The following DIS3L2 variants were observed in gnomAD, a reference collection of about 807,000 sequenced individuals.
The protein encoded by DIS3L2 is DIS3-like exonuclease 2.
In DIS3L2, 34 loss-of-function variants were observed where a neutral mutation model predicts 97.5. That is an observed-to-expected ratio of 0.35 (90% CI 0.27 to 0.46). DIS3L2 has a LOEUF of 0.46. Ranked by LOEUF, DIS3L2 falls within the 20% of genes least tolerant of loss-of-function variation. The probability of loss-of-function intolerance (pLI) is 1.00; values close to 1 mark genes in which losing one functional copy is unlikely to be tolerated. For missense variants in DIS3L2, 1,038 were observed against 1,146.0 expected (o/e 0.91, Z 1.36); for synonymous variants, 435 against 445.2 (o/e 0.98, Z 0.29).
chr2:232,331,855 A>G (rs1695746046), intron 16 of DIS3L2: 1 of 152,278 alleles, frequency 6.6e-6, no homozygotes, highest in Non-Finnish European at 1.5e-5. Flanking sequence ...AAAAGCCTGC[A>G]TTCTCCTGGC....
At chr2:232,338,848 C>T (rs1455313791), downstream of DIS3L2, among the ~76,000 whole-genome samples, 16 of 152,296 alleles carry the variant, frequency 1.1e-4, no homozygotes, top group Non-Finnish European at 1.8e-4. Flanking sequence ...CACCGACCCT[C>T]ATCTAAAGGA....
At chr2:232,123,951 C>T (rs1697980500) in intron 6 of DIS3L2, among the ~76,000 whole-genome samples, 1 of 152,120 alleles carries the variant, frequency 6.6e-6, no homozygotes, top group Admixed American at 6.5e-5. Context: ...AGGACTGGTG[C>T]CTCTGGATAT....
intron 5 of DIS3L2, among the ~76,000 whole-genome samples, chr2:232,054,496 T>A (rs905219013): frequency 6.6e-6 from 1 of 152,224 alleles, no homozygotes; most frequent in Non-Finnish European, 1.5e-5. Context: ...TTTTTTCTTT[T>A]AGCAGAGACC....
chr2:232,258,052 T>C (rs1051270539), intron 12 of DIS3L2, among the ~76,000 whole-genome samples: 1 of 152,150 alleles, frequency 6.6e-6, no homozygotes, highest in East Asian at 1.9e-4. Flanking sequence ...AAGTAGTAGG[T>C]TTAAGAATAC....
intron 9 of DIS3L2, among the ~76,000 whole-genome samples, chr2:232,171,020 AAG>A (rs2106171803): frequency 6.6e-6 from 1 of 152,292 alleles, no homozygotes; most frequent in South Asian, 2.1e-4. Context: ...CCTTTAGAAG[AAG>A]GTTCCCCTGG....
intron 1 of DIS3L2, among the ~76,000 whole-genome samples, chr2:231,990,522 CATG>C (rs928773149): frequency 1.3e-5 from 2 of 152,124 alleles, no homozygotes; most frequent in African/African-American, 4.8e-5. Flanking sequence ...GGGAAAGAAA[CATG>C]AGATTGAATT....
intron 5 of DIS3L2, among the ~76,000 whole-genome samples, chr2:232,038,485 A>G (rs527351698): frequency 4.6e-5 from 7 of 152,332 alleles, no homozygotes; most frequent in African/African-American, 7.2e-5. Flanking sequence ...GTGGAGCTCT[A>G]CAGAAGTGGA....
chr2:232,194,937 GAAAC>G (rs770068936), intron 9 of DIS3L2, among the ~76,000 whole-genome samples: 1 of 152,086 alleles, frequency 6.6e-6, no homozygotes, highest in Non-Finnish European at 1.5e-5. Context: ...GAAACTCTCT[GAAAC>G]AAACAGTTAT....
chr2:232,164,409 G>A (rs996884895), intron 9 of DIS3L2, among the ~76,000 whole-genome samples: 1 of 152,090 alleles, frequency 6.6e-6, no homozygotes, highest in African/African-American at 2.4e-5. Flanking sequence ...ACTCATTTTG[G>A]ATGCCACATG....
chr2:231,969,877 AT>A (rs34578666), intron 1 of DIS3L2, among the ~76,000 whole-genome samples: 52 of 140,212 alleles, frequency 3.7e-4, no homozygotes, highest in South Asian at 1.1e-3. Context: ...GTTTACTGAG[AT>A]TTTTTTTTTT....
chr2:232,191,975 C>A (rs886137593), intron 9 of DIS3L2, among the ~76,000 whole-genome samples: 2 of 152,112 alleles, frequency 1.3e-5, no homozygotes, highest in Non-Finnish European at 2.9e-5. Flanking sequence ...AGGCACTCAC[C>A]GAACATCCCT....
Position 232,336,740 on chromosome 2 carries a change from GGTTT to G in DIS3L2, c.*115_*118del. 1 of 1,490,534 alleles carries G rather than the reference GGTTT, an allele frequency of 6.7e-7. No individual in the cohort carries two copies. The highest frequency in any genetic ancestry group is 8.8e-7 in the Non-Finnish European group (1 of 1,131,158). 92.3% of individuals were successfully genotyped at this position (1,490,534 alleles called of 1,614,324 possible). A position where few individuals can be genotyped will look rare whatever the true frequency, so the allele number is the denominator to read the frequency against. On this transcript the variant is annotated 3_prime_UTR_variant, in exon 21 of 21. Transcript: ENST00000325385. ...TTAATTTGGTTTTTAACAACTCAGGGGTTTGTTTTTATTTTTATTTAATTTTTGC... is the reference window on the plus strand; with the variant it reads ...TTAATTTGGTTTTTAACAACTCAGGGGTTTTTATTTTTATTTAATTTTTGC...
chr2:232,210,419 T>A lies in DIS3L2; in HGVS notation c.1204+14T>A, dbSNP rs2106218089. On this transcript the variant is annotated intron_variant, in intron 10 of 20. Coordinates refer to ENST00000325385, the MANE Select transcript of DIS3L2 (RefSeq NM_152383.5). ...CACTCGCTGACGGTAGGATGGAAATTTCTATAGCATCTTGGGTAGCAGGCA... is the reference window on the plus strand; with the variant it reads ...CACTCGCTGACGGTAGGATGGAAATATCTATAGCATCTTGGGTAGCAGGCA... 11 of 1,610,860 alleles carry A rather than the reference T, an allele frequency of 6.8e-6. No homozygotes were observed. Among genetic ancestry groups the A allele is most frequent in the Non-Finnish European group, 8.5e-6 (10 of 1,177,356 alleles).
intron 14 of DIS3L2, among the ~76,000 whole-genome samples, chr2:232,319,798 G>A (rs760768780): frequency 4.6e-5 from 7 of 152,200 alleles, no homozygotes; most frequent in Admixed American, 1.3e-4. Flanking sequence ...TTGGCCTCCA[G>A]AGTGGTAGCT....
intron 5 of DIS3L2, among the ~76,000 whole-genome samples, chr2:232,030,727 A>G (rs1694781642): frequency 1.3e-5 from 2 of 152,322 alleles, no homozygotes; most frequent in South Asian, 4.1e-4. Flanking sequence ...TGGTGACAAT[A>G]TCTTTGAATT....
chr2:232,231,394 A>G (rs1350447527), intron 10 of DIS3L2, among the ~76,000 whole-genome samples: 1 of 152,174 alleles, frequency 6.6e-6, no homozygotes, highest in African/African-American at 2.4e-5. Flanking sequence ...AGCTGGTGCT[A>G]CCCTAAAAGC....
intron 11 of DIS3L2, among the ~76,000 whole-genome samples, chr2:232,245,859 C>T (rs1403469006): frequency 1.3e-5 from 2 of 152,126 alleles, no homozygotes; most frequent in Admixed American, 6.5e-5. Flanking sequence ...ACTTAAAATA[C>T]TAGTTGTTTA....
chr2:232,315,437 A>G (rs1416800571), intron 14 of DIS3L2, among the ~76,000 whole-genome samples: 1 of 152,212 alleles, frequency 6.6e-6, no homozygotes, highest in Non-Finnish European at 1.5e-5. Flanking sequence ...CATGGTTGTC[A>G]TCTTCTGTGG....
Position 232,334,423 on chromosome 2 carries a change from A to C in DIS3L2, c.2213A>C (p.His738Pro). Residue 738 changes from histidine (H) to proline (P), a missense_variant, in exon 18 of 21, where the codon CAC (histidine) becomes CCC (proline). His to Pro is a moderately conservative substitution (Grantham distance 77). Transcript: ENST00000325385. The part of the protein sequence containing the change: ...APDTLQKQAD[H>P]CNDRRMASKR... ...GATACCCTGCAGAAACAGGCGGACCACTGTAACGACCGCCGCATGGCGTCC... is the reference window on the plus strand; with the variant it reads ...GATACCCTGCAGAAACAGGCGGACCCCTGTAACGACCGCCGCATGGCGTCC... The C allele has an allele frequency of 6.2e-7, 1 of 1,613,766 alleles. No homozygotes were observed. Among genetic ancestry groups the C allele is most frequent in the Non-Finnish European group, 8.5e-7 (1 of 1,180,000 alleles).
Sources: allele counts gnomAD v4.1 joint callset (sites outside exome capture counted in the v4.1 genomes callset), GRCh38; gene constraint gnomAD v4.1.1; transcripts MANE v1.5; gene names NCBI Gene and HGNC (gene_info 2026-07-23, HGNC 2026-07-21).